Variants in CNTNAP5 observed in about 807,000 individuals in gnomAD.
CNTNAP5 encodes contactin-associated protein-like 5.
Under a neutral mutation model 150.2 loss-of-function variants are expected in CNTNAP5, and 72 were observed. The ratio of observed to expected loss-of-function variants is 0.48; its 90% CI spans 0.40 to 0.58. The LOEUF is 0.58. CNTNAP5 is among the 20% of genes least tolerant of loss of function. CNTNAP5 has a pLI of 0.00. For missense variants in CNTNAP5, 1,636 were observed against 1,626.2 expected (o/e 1.01, Z -0.10); for synonymous variants, 672 against 619.8 (o/e 1.08, Z -1.25).
chr2:124,533,545 G>T (rs1019121499), intron 10 of CNTNAP5, among the ~76,000 whole-genome samples: 2 of 152,148 alleles, frequency 1.3e-5, no homozygotes, highest in Non-Finnish European at 2.9e-5. Flanking sequence ...GATGGTTCCT[G>T]CCCCCACCTA....
chr2:124,862,881 C>T (rs1292342065), intron 19 of CNTNAP5, among the ~76,000 whole-genome samples: 4 of 152,156 alleles, frequency 2.6e-5, no homozygotes, highest in East Asian at 1.9e-4. Context: ...GCACTGATTG[C>T]ATCAAAGCTC....
At chr2:124,896,931 C>T (rs943540182) in intron 21 of CNTNAP5, among the ~76,000 whole-genome samples, 3 of 151,688 alleles carry the variant, frequency 2.0e-5, no homozygotes, top group Admixed American at 2.0e-4. Flanking sequence ...CTTCATTTTT[C>T]AGTGTCTTAA....
intron 4 of CNTNAP5, among the ~76,000 whole-genome samples, chr2:124,432,277 C>T (rs563473726): frequency 1.2e-4 from 19 of 152,282 alleles, no homozygotes; most frequent in African/African-American, 4.6e-4. Flanking sequence ...CAAGAAATGC[C>T]TCACTGGGAA....
intron 3 of CNTNAP5, among the ~76,000 whole-genome samples, chr2:124,288,054 C>G (rs1389786652): frequency 6.6e-6 from 1 of 152,162 alleles, no homozygotes; most frequent in Non-Finnish European, 1.5e-5. Flanking sequence ...CTCAGCCTCT[C>G]AAGTAGCTGG....
chr2:124,378,870 T>C (rs753619591), intron 3 of CNTNAP5, among the ~76,000 whole-genome samples: 28 of 152,300 alleles, frequency 1.8e-4, no homozygotes, highest in Admixed American at 3.3e-4. Context: ...CAACTTTCTA[T>C]GTGAGAACAA....
chr2:124,903,344 G>A (rs539930256), intron 22 of CNTNAP5, among the ~76,000 whole-genome samples: 15 of 151,924 alleles, frequency 9.9e-5, no homozygotes, highest in African/African-American at 1.9e-4. Flanking sequence ...TATTATGCAC[G>A]TATATAATGC....
chr2:124,479,525 T>C (rs772469676), intron 7 of CNTNAP5, among the ~76,000 whole-genome samples: 3 of 152,226 alleles, frequency 2.0e-5, no homozygotes, highest in Admixed American at 1.3e-4. Context: ...AAATAACTAA[T>C]AGGAAGACTC....
chr2:124,919,945 G>C lies in CNTNAP5; in HGVS notation c.*5657G>C, dbSNP rs1051180016. On this transcript the variant is annotated 3_prime_UTR_variant, in exon 24 of 24. Transcript: ENST00000682447. ...GTCCTCAGATTCTGGAATCCATCCAGTGTCTTTCTTTTCCTTCCATTCATC... is the reference window on the plus strand; with the variant it reads ...GTCCTCAGATTCTGGAATCCATCCACTGTCTTTCTTTTCCTTCCATTCATC... Among the ~76,000 whole-genome samples the C allele has an allele frequency of 6.6e-6, 1 of 151,938 alleles. No individual in the cohort carries two copies. Among genetic ancestry groups the C allele is most frequent in the African/African-American group, 2.4e-5 (1 of 41,394 alleles).
intron 11 of CNTNAP5, among the ~76,000 whole-genome samples, chr2:124,563,793 A>G (rs1695947883): frequency 6.6e-6 from 1 of 152,228 alleles, no homozygotes; most frequent in Admixed American, 6.5e-5. Flanking sequence ...TGGTAACAAA[A>G]TTCTATTATC....
chr2:124,679,002 A>C (rs949940461), intron 13 of CNTNAP5, among the ~76,000 whole-genome samples: 4 of 152,074 alleles, frequency 2.6e-5, no homozygotes, highest in South Asian at 2.1e-4. Context: ...TAGGCAGGGC[A>C]TAGTAAACTC....
chr2:124,323,786 G>T (rs1240479543), intron 3 of CNTNAP5, among the ~76,000 whole-genome samples: 2 of 152,104 alleles, frequency 1.3e-5, no homozygotes, highest in Admixed American at 1.3e-4. Flanking sequence ...CTTTGCACTG[G>T]CTCATTTGAT....
At chr2:124,224,266 G>A (rs1272775476) in intron 2 of CNTNAP5, among the ~76,000 whole-genome samples, 2 of 152,032 alleles carry the variant, frequency 1.3e-5, no homozygotes, top group African/African-American at 4.8e-5. Context: ...GTATTTGTCA[G>A]GCATTGTTCT....
intron 19 of CNTNAP5, among the ~76,000 whole-genome samples, chr2:124,852,071 A>C (rs1683170309): frequency 6.6e-6 from 1 of 152,200 alleles, no homozygotes; most frequent in African/African-American, 2.4e-5. Context: ...CCTTACACTA[A>C]GTATTGGAGA....
intron 14 of CNTNAP5, among the ~76,000 whole-genome samples, chr2:124,762,923 C>G (rs920696428): frequency 2.6e-5 from 4 of 152,028 alleles, no homozygotes; most frequent in African/African-American, 9.7e-5. Flanking sequence ...TATTTCTGCT[C>G]AAAACCATTG....
intron 1 of CNTNAP5, among the ~76,000 whole-genome samples, chr2:124,154,572 G>T (rs1450217691): frequency 6.6e-6 from 1 of 152,088 alleles, no homozygotes; most frequent in Admixed American, 6.5e-5. Context: ...GCCACATGAT[G>T]GACAAAGAGA....
intron 7 of CNTNAP5, among the ~76,000 whole-genome samples, chr2:124,491,440 T>C (rs1694023524): frequency 1.5e-5 from 1 of 67,238 alleles, no homozygotes; most frequent in African/African-American, 5.0e-5. Flanking sequence ...TTTATATATA[T>C]ACACACACAT....
At chr2:124,670,926 G>T (rs933758194) in intron 13 of CNTNAP5, among the ~76,000 whole-genome samples, 1 of 151,960 alleles carries the variant, frequency 6.6e-6, no homozygotes, top group Non-Finnish European at 1.5e-5. Flanking sequence ...ACTAACTTAT[G>T]TAAGCATGTT....
intron 12 of CNTNAP5, among the ~76,000 whole-genome samples, chr2:124,614,191 T>A (rs967947874): frequency 6.6e-6 from 1 of 152,164 alleles, no homozygotes; most frequent in Admixed American, 6.5e-5. Flanking sequence ...TAGGGCTCTA[T>A]AACAAACTAC....
chr2:124,128,239 A>C (rs1683760663), intron 1 of CNTNAP5, among the ~76,000 whole-genome samples: 1 of 152,206 alleles, frequency 6.6e-6, no homozygotes, highest in Non-Finnish European at 1.5e-5. Context: ...ATCCCATCAA[A>C]AAGTGGGCAA....
Sources: gnomAD v4.1 joint callset for allele counts (sites outside exome capture counted in the v4.1 genomes callset) on GRCh38, gnomAD v4.1.1 for gene constraint, MANE v1.5 for transcripts, NCBI Gene and HGNC (gene_info 2026-07-23, HGNC 2026-07-21) for gene names.